Variants in ARID2 observed in about 807,000 individuals in gnomAD.
The protein encoded by ARID2 is AT-rich interaction domain 2.
ARID2 carries 32 observed loss-of-function variants against 184.6 expected under a neutral mutation model. That is an observed-to-expected ratio of 0.17 (90% CI 0.13 to 0.23). ARID2 has a LOEUF of 0.23. Ranked by LOEUF, ARID2 falls within the 10% of genes least tolerant of loss-of-function variation. ARID2 has a pLI of 1.00. For missense variants in ARID2, 1,696 were observed against 2,197.6 expected, an observed-to-expected ratio of 0.77 and a Z score of 4.56; for synonymous variants, 836 against 772.6, an observed-to-expected ratio of 1.08 and a Z score of -1.36.
Position 45,852,547 on chromosome 12 carries a change from C to T in ARID2, c.4424C>T (p.Thr1475Ile), listed in dbSNP as rs1401205732. The T allele has an allele frequency of 6.2e-7, 1 of 1,614,180 alleles. No individual in the cohort carries two copies. Among genetic ancestry groups the T allele is most frequent in the Non-Finnish European group, 8.5e-7 (1 of 1,180,026 alleles). ...PSVVVSPHSTTSVIQGHQIIA... is the reference protein window; with the variant it reads ...PSVVVSPHSTISVIQGHQIIA... Reference sequence around the variant, plus strand: ...GTAGTTGTCTCACCACATTCTACAACCTCTGTTATACAGGGACATCAAATC... The same window carrying T: ...GTAGTTGTCTCACCACATTCTACAATCTCTGTTATACAGGGACATCAAATC... Residue 1475 changes from threonine to isoleucine, a missense_variant, in exon 15 of 21, where the codon ACC becomes ATC. Thr to Ile is a moderately conservative substitution (Grantham distance 89). Transcript: ENST00000334344.
At position 45,794,232 on chromosome 12, in the gene ARID2, T is replaced by C. The variant is rs531962367; in HGVS notation, c.285-17186T>C. Among the ~76,000 whole-genome samples the C allele has an allele frequency of 1.2e-4, 18 of 152,362 alleles. No individual in the cohort carries two copies. The South Asian group carries it at 3.7e-3, about 32-fold the overall frequency. On this transcript the variant is annotated intron_variant, in intron 3 of 20. Coordinates refer to ENST00000334344, the MANE Select transcript of ARID2 (RefSeq NM_152641.4). ...ACACTGTGGACATAATGTTTGCAGTTTGAGGTGCAACAGCAAGACTAGCAG... is the reference window on the plus strand; with the variant it reads ...ACACTGTGGACATAATGTTTGCAGTCTGAGGTGCAACAGCAAGACTAGCAG...
intron 3 of ARID2, chr12:45,789,299 AT>A: frequency 6.6e-6 from 1 of 152,182 alleles, no homozygotes; most frequent in Non-Finnish European, 1.5e-5. Context: ...TTTGGATTAT[AT>A]TTTGTCTGTG....
chr12:45,790,941 T>G (rs974376011), intron 3 of ARID2, among the ~76,000 whole-genome samples: 2 of 152,340 alleles, frequency 1.3e-5, no homozygotes, highest in South Asian at 4.1e-4. Context: ...TATTCGTCAG[T>G]GGACGCTTGG....
intron 3 of ARID2, among the ~76,000 whole-genome samples, chr12:45,750,706 G>A (rs1193660122): frequency 1.3e-5 from 2 of 152,214 alleles, no homozygotes; most frequent in Non-Finnish European, 2.9e-5. Flanking sequence ...ACATTTTGGA[G>A]TTGGGAATGT....
intron 6 of ARID2, among the ~76,000 whole-genome samples, chr12:45,822,990 T>G (rs1013034607): frequency 1.3e-5 from 2 of 152,186 alleles, no homozygotes; most frequent in Non-Finnish European, 2.9e-5. Flanking sequence ...ATTTATAGAC[T>G]ATTTTATCCA....
intron 3 of ARID2, among the ~76,000 whole-genome samples, chr12:45,788,272 G>T (rs1281997751): frequency 1.3e-5 from 2 of 151,976 alleles, no homozygotes; most frequent in African/African-American, 4.8e-5. Context: ...AGCAACTTAT[G>T]CCTTGCTCAG....
At chr12:45,870,146 C>T (rs1381247586) in intron 16 of ARID2, among the ~76,000 whole-genome samples, 3 of 151,838 alleles carry the variant, frequency 2.0e-5, no homozygotes, top group African/African-American at 7.2e-5. Flanking sequence ...CCACCATGCC[C>T]TGCTAACTTT....
rs139485755 is a variant in ARID2 at position 45,783,913 on chromosome 12, A to G, written c.285-27505A>G. 5.5e-3 allele frequency among the ~76,000 whole-genome samples: 832 copies of G among 152,350 alleles called. 7 individuals carry two copies. Among genetic ancestry groups the G allele is most frequent in the African/African-American group, 0.019 (792 of 41,580 alleles). Reference sequence around the variant, plus strand: ...AGTTAAATAGGAAAGCAAAGAAACAATGGGAAAACTATTGGACCTAATGAG... The same window carrying G: ...AGTTAAATAGGAAAGCAAAGAAACAGTGGGAAAACTATTGGACCTAATGAG... On this transcript the variant is annotated intron_variant, in intron 3 of 20. Transcript: ENST00000334344.
Position 45,778,185 on chromosome 12 carries a change from G to A in ARID2, c.285-33233G>A, listed in dbSNP as rs150927178. Among the ~76,000 whole-genome samples the A allele has an allele frequency of 5.5e-3, 832 of 151,994 alleles. 7 individuals are homozygous for A. Among genetic ancestry groups the A allele is most frequent in the African/African-American group, 0.019 (794 of 41,454 alleles). On this transcript the variant is annotated intron_variant, in intron 3 of 20. Coordinates refer to ENST00000334344, the MANE Select transcript of ARID2 (RefSeq NM_152641.4). Reference sequence around the variant, plus strand: ...TGCGCCATTGCGCTCCAGCCTGGGGGACAAGAGCGAGACTTCTCCAAAAAA... The same window carrying A: ...TGCGCCATTGCGCTCCAGCCTGGGGAACAAGAGCGAGACTTCTCCAAAAAA...
intron 4 of ARID2, among the ~76,000 whole-genome samples, chr12:45,817,088 G>GC (rs1441936007): frequency 2.6e-5 from 4 of 151,664 alleles, no homozygotes; most frequent in Admixed American, 6.6e-5. Flanking sequence ...CTGGGCACAG[G>GC]GCTCATGCAT....
chr12:45,856,326 C>A (rs1943650234), intron 15 of ARID2, among the ~76,000 whole-genome samples: 1 of 152,030 alleles, frequency 6.6e-6, no homozygotes, highest in Non-Finnish European at 1.5e-5. Flanking sequence ...CTCGGCCTCC[C>A]AAAGTGCTGG....
chr12:45,730,209 G>A, intron 2 of ARID2, 72 bp downstream of exon 2: 1 of 1,488,848 alleles, frequency 6.7e-7, no homozygotes, highest in Non-Finnish European at 9.2e-7. Context: ...ACCCCGGAGT[G>A]GGCGCTTGGG....
At chr12:45,843,377 T>TC (rs1943387243) in intron 11 of ARID2, among the ~76,000 whole-genome samples, 1 of 147,964 alleles carries the variant, frequency 6.8e-6, no homozygotes, top group African/African-American at 2.5e-5. Flanking sequence ...GTTTTCTTCT[T>TC]TTTTTTTTTT....
intron 15 of ARID2, among the ~76,000 whole-genome samples, chr12:45,853,140 G>A (rs1943587167): frequency 6.6e-6 from 1 of 152,200 alleles, no homozygotes; most frequent in African/African-American, 2.4e-5. Flanking sequence ...GCCCAAGGTA[G>A]AGAAGCAGTT....
chr12:45,817,614 T>A, intron 4 of ARID2, 56 bp from the exon 5 acceptor site: 1 of 1,151,300 alleles, frequency 8.7e-7, no homozygotes, highest in Non-Finnish European at 1.2e-6. Context: ...CAAGGGATAT[T>A]CACCATAAAG....
chr12:45,743,197 TA>T lies in ARID2; in HGVS notation c.284+11895del, dbSNP rs1170486157. On this transcript the variant is annotated intron_variant, in intron 3 of 20. Coordinates refer to ENST00000334344, the MANE Select transcript of ARID2 (RefSeq NM_152641.4). ...TGAAACCCCATCTCTACTAAAAAAA[TA>T]AAAAAAAAAAACATACAAAAATTAG... is the stretch of plus-strand genomic sequence containing the variant. Among the ~76,000 whole-genome samples, 324 of 140,726 alleles carry T rather than the reference TA, an allele frequency of 2.3e-3. 2 individuals are homozygous for T. Among genetic ancestry groups the T allele is most frequent in the African/African-American group, 7.0e-3 (269 of 38,602 alleles). 92.3% of individuals were successfully genotyped at this position (140,726 alleles called of 152,430 possible).
intron 3 of ARID2, among the ~76,000 whole-genome samples, chr12:45,750,136 G>A (rs1172147220): frequency 1.3e-5 from 2 of 152,184 alleles, no homozygotes; most frequent in African/African-American, 4.8e-5. Flanking sequence ...TTTAAAGTGA[G>A]AGATATGCAA....
intron 20 of ARID2, among the ~76,000 whole-genome samples, chr12:45,899,759 C>T (rs1039060518): frequency 2.0e-5 from 2 of 99,918 alleles, no homozygotes; most frequent in Non-Finnish European, 4.5e-5. Flanking sequence ...ATATATATAA[C>T]CAAATAGTTC....
rs1943533276 is a variant in ARID2 at position 45,850,761 on chromosome 12, A to C, written c.2638A>C (p.Ile880Leu). ...GGTAGCTACAGGACAAATGGTTACT[A>C]TTGCTGGTGTCCCAAGTCCACAAGC... Reference protein sequence around the residue: ...FQVATGQMVTIAGVPSPQASR... With the variant: ...FQVATGQMVTLAGVPSPQASR... Residue 880 changes from isoleucine (I) to leucine (L), a missense_variant, in exon 15 of 21, where the codon ATT becomes CTT. Ile to Leu is a conservative substitution (Grantham distance 5). Coordinates refer to ENST00000334344, the MANE Select transcript of ARID2 (RefSeq NM_152641.4). 6.2e-7 allele frequency: 1 copy of C among 1,614,002 alleles called. No homozygotes were observed. Among genetic ancestry groups the C allele is most frequent in the Non-Finnish European group, 8.5e-7 (1 of 1,179,996 alleles).
Sources: gnomAD v4.1 joint callset for allele counts (sites outside exome capture counted in the v4.1 genomes callset) on GRCh38, gnomAD v4.1.1 for gene constraint, MANE v1.5 for transcripts, NCBI Gene and HGNC (gene_info 2026-07-23, HGNC 2026-07-21) for gene names.